SEMA5A: variants seen among roughly 807,000 people sequenced by gnomAD.
The protein encoded by SEMA5A is semaphorin 5A, also known as semaphorin-5A.
Under a neutral mutation model 135.5 loss-of-function variants are expected in SEMA5A, and 55 were observed. The observed-to-expected ratio is 0.41, with a 90% CI of 0.33 to 0.51. SEMA5A has a LOEUF of 0.51. Among genes scored for constraint, SEMA5A ranks in the 20% least tolerant of loss-of-function variants. The pLI is 0.37. For synonymous variants in SEMA5A, 580 were observed against 546.5 expected, an observed-to-expected ratio of 1.06 and a Z score of -0.85; for missense variants, 1,290 against 1,419.9, an observed-to-expected ratio of 0.91 and a Z score of 1.47.
At chr5:9,160,853 C>T (rs3797913) in intron 11 of SEMA5A, among the ~76,000 whole-genome samples, 23,291 of 152,122 alleles carry the variant, frequency 0.15, 2,782 homozygotes, top group East Asian at 0.49. Context: ...AGTTTGCACA[C>T]TGTCACACAA....
chr5:9,388,779 G>T (rs1399647462), intron 2 of SEMA5A, among the ~76,000 whole-genome samples: 2 of 152,074 alleles, frequency 1.3e-5, no homozygotes, highest in Non-Finnish European at 2.9e-5. Flanking sequence ...GGCACCTGCA[G>T]TCCCAGCTAC....
chr5:9,295,324 T>C (rs1457341591), intron 5 of SEMA5A, among the ~76,000 whole-genome samples: 1 of 152,230 alleles, frequency 6.6e-6, no homozygotes, highest in Non-Finnish European at 1.5e-5. Context: ...CCTTTTGTAA[T>C]GCTGATGCTA....
At chr5:9,389,522 C>A (rs1756055412) in intron 2 of SEMA5A, among the ~76,000 whole-genome samples, 1 of 152,156 alleles carries the variant, frequency 6.6e-6, no homozygotes, top group Non-Finnish European at 1.5e-5. Flanking sequence ...ACTCAGACAG[C>A]CAACTCAGAG....
At chr5:9,375,449 C>A (rs943443776) in intron 3 of SEMA5A, among the ~76,000 whole-genome samples, 1 of 151,732 alleles carries the variant, frequency 6.6e-6, no homozygotes, top group African/African-American at 2.4e-5. Flanking sequence ...CAAAGGAATG[C>A]CAAACATTGC....
At chr5:9,477,078 T>C (rs1451046435) in intron 1 of SEMA5A, among the ~76,000 whole-genome samples, 1 of 152,148 alleles carries the variant, frequency 6.6e-6, no homozygotes, top group Non-Finnish European at 1.5e-5. Flanking sequence ...TCTCATGATA[T>C]AATGATTTAA....
intron 5 of SEMA5A, among the ~76,000 whole-genome samples, chr5:9,286,330 G>A (rs1042197275): frequency 3.3e-5 from 5 of 152,034 alleles, no homozygotes; most frequent in Non-Finnish European, 5.9e-5. Flanking sequence ...TCAAGTAATT[G>A]CAATGTTTTA....
chr5:9,110,800 A>C (rs1262916887), intron 15 of SEMA5A, among the ~76,000 whole-genome samples: 1 of 152,178 alleles, frequency 6.6e-6, no homozygotes, highest in Non-Finnish European at 1.5e-5. Context: ...GATAACACAG[A>C]AACGTAAGGT....
chr5:9,538,070 G>A (rs188279779), intron 1 of SEMA5A, among the ~76,000 whole-genome samples: 11 of 152,256 alleles, frequency 7.2e-5, no homozygotes, highest in Admixed American at 5.2e-4. Flanking sequence ...CTAAACAGAT[G>A]GAAGGTGCAG....
intron 11 of SEMA5A, among the ~76,000 whole-genome samples, chr5:9,166,912 C>T (rs1451551202): frequency 6.6e-6 from 1 of 152,088 alleles, no homozygotes; most frequent in East Asian, 1.9e-4. Flanking sequence ...ACAAAACAAC[C>T]ACCCAGTTGG....
chr5:9,114,323 A>G (rs1020894582), intron 15 of SEMA5A, among the ~76,000 whole-genome samples: 2 of 152,232 alleles, frequency 1.3e-5, no homozygotes, highest in Admixed American at 6.5e-5. Context: ...AATAGTTATT[A>G]TTGCTTAACA....
In SEMA5A at chr5:9,040,959, T is replaced by A. The variant is rs556369469; in HGVS notation, c.*1938A>T. 6.6e-6 allele frequency: 1 copy of A among 152,196 alleles called. No homozygotes were observed. The highest frequency in any genetic ancestry group is 1.5e-5 in the Non-Finnish European group (1 of 68,038). 9.4% of individuals were successfully genotyped at this position (152,196 alleles called of 1,614,324 possible). A position where few individuals can be genotyped will look rare whatever the true frequency, so the allele number is the denominator to read the frequency against. On this transcript the variant is annotated 3_prime_UTR_variant, in exon 23 of 23. Transcript: ENST00000382496. ...TGATGAAAATCCAGCCGAGGAACAA[T>A]TGGAGAACCATCCGGCTAGATTTCC...
At chr5:9,220,995 C>G (rs1382709710) in intron 8 of SEMA5A, among the ~76,000 whole-genome samples, 3 of 152,154 alleles carry the variant, frequency 2.0e-5, no homozygotes, top group Non-Finnish European at 4.4e-5. Flanking sequence ...GGGACTTACC[C>G]TCCACTCCTC....
chr5:9,543,369 C>T (rs1738197812), intron 1 of SEMA5A, among the ~76,000 whole-genome samples: 1 of 152,172 alleles, frequency 6.6e-6, no homozygotes, highest in Admixed American at 6.5e-5. Flanking sequence ...TAAGTTTCTA[C>T]GTTTCATTCT....
At chr5:9,217,844 G>A (rs965484668) in intron 8 of SEMA5A, among the ~76,000 whole-genome samples, 4 of 152,174 alleles carry the variant, frequency 2.6e-5, no homozygotes, top group Admixed American at 1.3e-4. Flanking sequence ...TGTCAGACCT[G>A]TGAAGTTCTT....
intron 13 of SEMA5A, among the ~76,000 whole-genome samples, chr5:9,124,842 T>A (rs919528795): frequency 1.3e-5 from 2 of 152,310 alleles, no homozygotes; most frequent in East Asian, 1.9e-4. Flanking sequence ...GTGAACCGCA[T>A]GCTTTCACCT....
chr5:9,456,125 C>T (rs910845699), intron 1 of SEMA5A, among the ~76,000 whole-genome samples: 1 of 152,204 alleles, frequency 6.6e-6, no homozygotes. Context: ...GGCATAAATT[C>T]TAATTAAAGC....
rs374477276 is a variant in SEMA5A, at chr5:9,527,755, T to C, written c.-175+17829A>G. Among the ~76,000 whole-genome samples, 14 of 152,274 alleles carry C rather than the reference T, an allele frequency of 9.2e-5. No homozygotes were observed. The East Asian group carries it at 1.2e-3, about 13-fold the overall frequency. On this transcript the variant is annotated intron_variant, in intron 1 of 22. Transcript: ENST00000382496. ...AGGAACTATTGCTATCATTTTAGAATTGGACAAAGTGGGGCATGGAGAGAT... is the reference window on the plus strand; with the variant it reads ...AGGAACTATTGCTATCATTTTAGAACTGGACAAAGTGGGGCATGGAGAGAT...
intron 16 of SEMA5A, among the ~76,000 whole-genome samples, chr5:9,098,016 G>A (rs1189735103): frequency 6.6e-6 from 1 of 152,094 alleles, no homozygotes; most frequent in African/African-American, 2.4e-5. Flanking sequence ...GGCTGAAACA[G>A]GTGGGTCACT....
At chr5:9,514,364 A>G (rs1445084098) in intron 1 of SEMA5A, among the ~76,000 whole-genome samples, 3 of 152,186 alleles carry the variant, frequency 2.0e-5, no homozygotes, top group African/African-American at 7.2e-5. Flanking sequence ...AGGGATTAGG[A>G]CAGGGACGTC....
Sources: gnomAD v4.1 joint callset for allele counts (sites outside exome capture counted in the v4.1 genomes callset) on GRCh38, gnomAD v4.1.1 for gene constraint, MANE v1.5 for transcripts, NCBI Gene and HGNC (gene_info 2026-07-23, HGNC 2026-07-21) for gene names.